The following ECEL1 variants were observed in gnomAD, a reference collection of about 807,000 sequenced individuals.
ECEL1 encodes endothelin-converting enzyme-like 1.
In ECEL1, 87 loss-of-function variants were observed where a neutral mutation model predicts 101.8. The ratio of observed to expected loss-of-function variants is 0.85; its 90% CI spans 0.72 to 1.02. The LOEUF is 1.02. ECEL1 is among the 50% of genes least tolerant of loss of function. The pLI, the probability that ECEL1 is intolerant of heterozygous loss-of-function variation, is 0.00. For synonymous variants in ECEL1, 487 were observed against 468.7 expected, an observed-to-expected ratio of 1.04 and a Z score of -0.50; for missense variants, 1,032 against 1,079.2, an observed-to-expected ratio of 0.96 and a Z score of 0.61.
rs1690576510 is a variant in ECEL1, at chr2:232,481,494, T to TG, written c.1989+11dup. 2.5e-6 allele frequency: 4 copies of TG among 1,597,624 alleles called. No individual in the cohort carries two copies. The highest frequency in any genetic ancestry group is 3.4e-6 in the Non-Finnish European group (4 of 1,172,670). The stretch of plus-strand genomic sequence containing the variant: ...AGGCCTGAGGGGCACAAGGGGCAGG[T>TG]GGGGGTCTCACCCGCTGGTTGTAGA... On this transcript the variant is annotated intron_variant, in intron 14 of 17. Coordinates refer to ENST00000304546, the MANE Select transcript of ECEL1 (RefSeq NM_004826.4).
intron 10 of ECEL1, 58 bp from the exon 11 acceptor site, chr2:232,482,666 C>A (rs1203529555): frequency 1.3e-6 from 2 of 1,567,472 alleles, no homozygotes; most frequent in Admixed American, 3.4e-5. Flanking sequence ...GCTACCCTCA[C>A]ATCACAGCTT....
intron 14 of ECEL1, 52 bp downstream of exon 14, chr2:232,481,454 G>A (rs1690575663): frequency 1.2e-5 from 19 of 1,565,796 alleles, no homozygotes; most frequent in Middle Eastern, 1.7e-4. Flanking sequence ...TGATGCTCCC[G>A]GCCCGTGCCC....
chr2:232,480,410 A>G lies in ECEL1; in HGVS notation c.2217T>C (p.Pro739=), dbSNP rs1372005792. ...GCAGGTGGGCATACCTGTAGTGCTCAGGGGCATGCTTGTCAGTCAGCACCT... is the reference window on the plus strand; with the variant it reads ...GCAGGTGGGCATACCTGTAGTGCTCGGGGGCATGCTTGTCAGTCAGCACCT... ...YLQVLTDKHA[P]EHYRVLGSVS... The change falls in exon 17 of 18, where the codon CCT becomes CCC. Residue 739 remains proline, a synonymous_variant. Transcript: ENST00000304546. The G allele has an allele frequency of 1.9e-6, 3 of 1,613,918 alleles. No individual in the cohort carries two copies. Among genetic ancestry groups the G allele is most frequent in the Non-Finnish European group, 2.5e-6 (3 of 1,180,006 alleles).
At chr2:232,483,535 G>C (rs754902112) in intron 7 of ECEL1, 21 bp from the exon 8 acceptor site, 36 of 1,585,808 alleles carry the variant, frequency 2.3e-5, no homozygotes, top group Non-Finnish European at 2.9e-5. Context: ...AGGGGTCAGG[G>C]AGCAAGGGTC....
Position 232,484,076 on chromosome 2 carries a change from C to T in ECEL1, c.1332G>A (p.Gln444=), listed in dbSNP as rs774685063. The part of the protein sequence containing the change: ...PQELARVCLG[Q]ANRHFGMALG... The stretch of plus-strand genomic sequence containing the variant: ...GCGCCATGCCAAAGTGGCGATTGGC[C>T]TGGCCCAAGCAGACCCGGGCCAGCT... The change falls in exon 7 of 18, where the codon CAG becomes CAA. Residue 444 remains glutamine, a synonymous_variant. Coordinates refer to ENST00000304546, the MANE Select transcript of ECEL1 (RefSeq NM_004826.4). The T allele has an allele frequency of 1.9e-6, 3 of 1,613,444 alleles. No individual in the cohort carries two copies. Among genetic ancestry groups the T allele is most frequent in the African/African-American group, 2.7e-5 (2 of 74,940 alleles).
chr2:232,484,200 C>T lies in ECEL1; in HGVS notation c.1208G>A (p.Trp403Ter). The change falls in exon 7 of 18, where the codon TGG becomes TAG. Residue 403 changes from tryptophan to a stop codon, truncating the protein, a stop_gained. Coordinates refer to ENST00000304546, the MANE Select transcript of ECEL1 (RefSeq NM_004826.4). LOFTEE classifies it high-confidence loss of function. ...TTCACTCAGGACCACCACCACGCGCCACACCAGGTAGTTGTGCAGGACCCT... is the reference window on the plus strand; with the variant it reads ...TTCACTCAGGACCACCACCACGCGCTACACCAGGTAGTTGTGCAGGACCCT... ...PHRVLHNYLV[W>*]RVVVVLSEHL... is the part of the protein sequence containing the mutation. 1.2e-6 allele frequency: 2 copies of T among 1,612,692 alleles called. No individual in the cohort carries two copies. Among genetic ancestry groups the T allele is most frequent in the Non-Finnish European group, 1.7e-6 (2 of 1,179,756 alleles).
rs150549103 is a variant in ECEL1, at chr2:232,481,111, C to T, written c.2035G>A (p.Gly679Ser). ...CTCACGTGGTAGGCCAGCTTGAGGC[C>T]GCCCATATCTGCGATGTTCTCCCCA... The part of the protein sequence containing the change: ...TLGENIADMG[G>S]LKLAYHAYQK... The change falls in exon 15 of 18, where the codon GGC becomes AGC. Residue 679 changes from glycine (G) to serine (S), a missense_variant. Transcript: ENST00000304546. The T allele has an allele frequency of 1.5e-5, 23 of 1,565,620 alleles. No individual in the cohort carries two copies. The highest frequency in any genetic ancestry group is 4.7e-5 in the South Asian group (4 of 85,024).
chr2:232,482,289 T>C (rs1690600168), intron 12 of ECEL1, 129 bp downstream of exon 12: 1 of 1,229,686 alleles, frequency 8.1e-7, no homozygotes. Flanking sequence ...GGTCCACAGC[T>C]GTCCTGACTC....
At chr2:232,484,354 G>A in intron 6 of ECEL1, 118 bp downstream of exon 6, 3 of 1,565,920 alleles carry the variant, frequency 1.9e-6, no homozygotes, top group Admixed American at 3.4e-5. Flanking sequence ...AGAAGGGACA[G>A]GGGGTCATCC....
Position 232,480,441 on chromosome 2 carries a change from T to C in ECEL1, c.2186A>G (p.Tyr729Cys). The change falls in exon 17 of 18, where the codon TAC (tyrosine) becomes TGC (cysteine). Residue 729 changes from tyrosine to cysteine, a missense_variant. Physicochemically the swap from Tyr to Cys is radical, Grantham distance 194 (BLOSUM62 -2). Transcript: ENST00000304546. ...ATGCTTGTCAGTCAGCACCTGCAGG[T>C]AGATGGACTGCGACCGCCGCTTGAT... ...WCIKRRSQSI[Y>C]LQVLTDKHAP... is the part of the protein sequence containing the mutation. 1.2e-6 allele frequency: 2 copies of C among 1,613,862 alleles called. No homozygotes were observed. Among genetic ancestry groups the C allele is most frequent in the Non-Finnish European group, 1.7e-6 (2 of 1,179,972 alleles).
chr2:232,486,575 C>T lies in ECEL1; in HGVS notation c.79G>A (p.Gly27Ser), dbSNP rs745603867. The T allele has an allele frequency of 3.6e-6, 5 of 1,392,302 alleles. No homozygotes were observed. The Admixed American group carries it at 1.2e-4, about 33-fold the overall frequency. 86.2% of individuals were successfully genotyped at this position (1,392,302 alleles called of 1,614,324 possible). ...VKYVSRCGAG[G>S]ARGASLPPGF... ...GGGGGCAGGGAGGCCCCGCGCGCGC[C>T]CCCCGCGCCGCAGCGGCTCACGTAC... is the stretch of plus-strand genomic sequence containing the variant. The change falls in exon 2 of 18, where the codon GGC becomes AGC. Residue 27 changes from glycine to serine, a missense_variant. By Grantham distance (56) the Gly-to-Ser change is moderately conservative. Transcript: ENST00000304546.
At chr2:232,483,942 C>T (rs1420832361) in intron 7 of ECEL1, 59 bp downstream of exon 7, 27 of 1,522,482 alleles carry the variant, frequency 1.8e-5, no homozygotes, top group Middle Eastern at 1.8e-4. Context: ...ACCATGGCCT[C>T]GGGAGGGCTC....
At position 232,481,849 on chromosome 2, in the gene ECEL1, C is replaced by G. The variant is rs768552137; in HGVS notation, c.1797G>C (p.Gln599His). 6.2e-7 allele frequency: 1 copy of G among 1,613,918 alleles called. No individual in the cohort carries two copies. The highest frequency in any genetic ancestry group is 1.1e-5 in the South Asian group (1 of 91,084). ...TGCCGATGCCCCCGTAGTTGAGAGA[C>G]CTGGGCCCACAGCAGCAGCATCAGG... is the stretch of plus-strand genomic sequence containing the variant. ...QPTLYDPDFP[Q>H]SLNYGGIGTI... is the part of the protein sequence containing the mutation. The change falls in exon 13 of 18, where the codon CAG (glutamine) becomes CAC (histidine). Residue 599 changes from glutamine to histidine, a missense_variant and splice_region_variant. Transcript: ENST00000304546.
In ECEL1 at chr2:232,479,876, G is replaced by C; in HGVS notation, c.*277C>G. ...GACTTTGCAGCAAGAACACAGCGAAGGTGGGGCCCGTACAATCCAGCCTGG... is the reference window on the plus strand; with the variant it reads ...GACTTTGCAGCAAGAACACAGCGAACGTGGGGCCCGTACAATCCAGCCTGG... On this transcript the variant is annotated 3_prime_UTR_variant, in exon 18 of 18. Coordinates refer to ENST00000304546, the MANE Select transcript of ECEL1 (RefSeq NM_004826.4). The C allele has an allele frequency of 2.0e-6, 1 of 509,140 alleles. No individual in the cohort carries two copies. The highest frequency in any genetic ancestry group is 3.4e-5 in the East Asian group (1 of 29,722). 31.5% of individuals were successfully genotyped at this position (509,140 alleles called of 1,614,324 possible). A position where few individuals can be genotyped will look rare whatever the true frequency, so the allele number is the denominator to read the frequency against.
At chr2:232,485,399 A>G (rs1228242460) in intron 2 of ECEL1, 132 bp from the exon 3 acceptor site, 3 of 1,036,524 alleles carry the variant, frequency 2.9e-6, no homozygotes, top group Non-Finnish European at 4.2e-6. Flanking sequence ...CGCAGACCCC[A>G]GCTCCTCTTT....
rs1263637245 is a variant in ECEL1 at position 232,486,684 on chromosome 2, G to A, written c.-31C>T. ...CGAGGCCGCCGCGGTGCAGACCTGGGCCACCTGGGCTACGGGATGCGCGTG... is the reference window on the plus strand; with the variant it reads ...CGAGGCCGCCGCGGTGCAGACCTGGACCACCTGGGCTACGGGATGCGCGTG... On this transcript the variant is annotated 5_prime_UTR_variant, in exon 2 of 18. Transcript: ENST00000304546. 1 of 1,473,274 alleles carries A rather than the reference G, an allele frequency of 6.8e-7. No homozygotes were observed. 91.3% of individuals were successfully genotyped at this position (1,473,274 alleles called of 1,614,324 possible).
chr2:232,481,941 C>A, intron 12 of ECEL1, 92 bp from the exon 13 acceptor site: 2 of 1,566,286 alleles, frequency 1.3e-6, no homozygotes, highest in Non-Finnish European at 1.7e-6. Context: ...CTGGCCGGGC[C>A]AGGAGGTGGC....
chr2:232,481,941 C>G, intron 12 of ECEL1, 92 bp from the exon 13 acceptor site: 3 of 1,566,290 alleles, frequency 1.9e-6, no homozygotes, highest in Non-Finnish European at 2.6e-6. Flanking sequence ...CTGGCCGGGC[C>G]AGGAGGTGGC....
At chr2:232,484,929 C>G (rs752435641) in intron 4 of ECEL1, 36 bp from the exon 5 acceptor site, 2 of 1,612,958 alleles carry the variant, frequency 1.2e-6, no homozygotes, top group Non-Finnish European at 1.7e-6. Flanking sequence ...CAGCCCTGCT[C>G]CATGATGCCC....
Sources: allele counts gnomAD v4.1 joint callset, GRCh38; gene constraint gnomAD v4.1.1; transcripts MANE v1.5; gene names NCBI Gene and HGNC (gene_info 2026-07-23, HGNC 2026-07-21).